Variants in GMDS observed in about 807,000 individuals in gnomAD.
The protein encoded by GMDS is GDP-mannose 4,6-dehydratase, also known as GDP-mannose 4,6 dehydratase.
Under a neutral mutation model 49.9 loss-of-function variants are expected in GMDS, and 20 were observed. That is an observed-to-expected ratio of 0.40 (90% confidence interval 0.28 to 0.58). The LOEUF (loss-of-function observed/expected upper bound fraction) is 0.58, where lower values mean the gene tolerates loss of function less well. Ranked by LOEUF, GMDS falls within the 20% of genes least tolerant of loss-of-function variation. GMDS has a pLI of 0.42. For synonymous variants in GMDS, 177 were observed against 178.6 expected, an observed-to-expected ratio of 0.99 and a Z score of 0.07; for missense variants, 362 against 481.4, an observed-to-expected ratio of 0.75 and a Z score of 2.32.
chr6:1,999,320 CAAA>C (rs61018439), intron 4 of GMDS, among the ~76,000 whole-genome samples: 24,819 of 85,588 alleles, frequency 0.29, 1,734 homozygotes, highest in Non-Finnish European at 0.3. Flanking sequence ...GACTCTGTCT[CAAA>C]AAAAAAAAAA....
At chr6:2,198,176 G>A (rs964045823) in intron 1 of GMDS, among the ~76,000 whole-genome samples, 1 of 152,194 alleles carries the variant, frequency 6.6e-6, no homozygotes, top group Non-Finnish European at 1.5e-5. Flanking sequence ...AAGTAACGAA[G>A]AATGCAGAAC....
At chr6:1,674,560 CTTTTTTTTTTTT>C (rs869292549) in intron 9 of GMDS, among the ~76,000 whole-genome samples, 4 of 73,436 alleles carry the variant, frequency 5.4e-5, no homozygotes, top group Admixed American at 1.9e-4. Flanking sequence ...CTCTCTCTCT[CTTTTTTTTTTTT>C]TTTTTTTTTT....
At chr6:2,186,649 T>C (rs1778792190) in intron 1 of GMDS, among the ~76,000 whole-genome samples, 1 of 152,310 alleles carries the variant, frequency 6.6e-6, no homozygotes, top group African/African-American at 2.4e-5. Flanking sequence ...TGTTTAGGTA[T>C]ATTTATTAAT....
chr6:1,889,884 ATCTTCTTTTACTT>A (rs1441063425), intron 7 of GMDS, among the ~76,000 whole-genome samples: 1 of 152,050 alleles, frequency 6.6e-6, no homozygotes, highest in Non-Finnish European at 1.5e-5. Flanking sequence ...TTTTGGGTCT[ATCTTCTTTTACTT>A]AGCATAATGT....
intron 9 of GMDS, among the ~76,000 whole-genome samples, chr6:1,689,587 G>A (rs1765101452): frequency 6.6e-6 from 1 of 152,168 alleles, no homozygotes; most frequent in African/African-American, 2.4e-5. Context: ...GCAACCCTAA[G>A]TAAACTTGAA....
chr6:1,902,717 C>T (rs1490735368), intron 7 of GMDS, among the ~76,000 whole-genome samples: 3 of 152,154 alleles, frequency 2.0e-5, no homozygotes, highest in Non-Finnish European at 4.4e-5. Flanking sequence ...CTAAAAATTC[C>T]TTACAAGTAA....
intron 9 of GMDS, among the ~76,000 whole-genome samples, chr6:1,682,474 A>G (rs771724399): frequency 6.6e-5 from 10 of 152,042 alleles, no homozygotes; most frequent in Non-Finnish European, 1.5e-4. Flanking sequence ...TGCCACTGGG[A>G]GGACCGGGGA....
chr6:2,220,859 T>G (rs1422270645), intron 1 of GMDS, among the ~76,000 whole-genome samples: 1 of 151,894 alleles, frequency 6.6e-6, no homozygotes, highest in Non-Finnish European at 1.5e-5. Flanking sequence ...TTGATAATGG[T>G]AATAAAGCTG....
chr6:1,961,010 A>G (rs1763911648), intron 4 of GMDS, 44 bp from the exon 5 acceptor site: 1 of 1,202,648 alleles, frequency 8.3e-7, no homozygotes, highest in Non-Finnish European at 1.2e-6. Flanking sequence ...ATAGCTTCAT[A>G]GCACAAAGGT....
intron 7 of GMDS, among the ~76,000 whole-genome samples, chr6:1,856,314 C>T (rs1188449175): frequency 6.6e-6 from 1 of 152,214 alleles, no homozygotes; most frequent in Non-Finnish European, 1.5e-5. Context: ...CAGAAATGTG[C>T]TCTAACCTAC....
intron 1 of GMDS, among the ~76,000 whole-genome samples, chr6:2,157,611 C>A (rs1259730387): frequency 6.6e-6 from 1 of 152,086 alleles, no homozygotes; most frequent in African/African-American, 2.4e-5. Flanking sequence ...ATTTTCACTA[C>A]CAAAACGAAA....
chr6:1,628,831 A>T (rs183185486), intron 9 of GMDS, among the ~76,000 whole-genome samples: 5 of 152,228 alleles, frequency 3.3e-5, no homozygotes, highest in Admixed American at 6.5e-5. Context: ...TAAGATACAG[A>T]GCTGTGAGGG....
intron 7 of GMDS, among the ~76,000 whole-genome samples, chr6:1,915,345 T>A (rs1203935304): frequency 6.6e-6 from 1 of 152,084 alleles, no homozygotes; most frequent in Non-Finnish European, 1.5e-5. Context: ...AATTCTTCAG[T>A]GAAGTGGCCA....
At chr6:1,686,099 A>C (rs189695719) in intron 9 of GMDS, among the ~76,000 whole-genome samples, 17 of 152,240 alleles carry the variant, frequency 1.1e-4, no homozygotes, top group Non-Finnish European at 4.4e-5. Context: ...GTGGCAGAAG[A>C]AGCGAAGTCT....
chr6:2,129,199 A>G (rs1477892550), intron 1 of GMDS, among the ~76,000 whole-genome samples: 3 of 152,174 alleles, frequency 2.0e-5, no homozygotes, highest in African/African-American at 7.2e-5. Flanking sequence ...AGAAACACAG[A>G]AAGTTTCTGT....
At chr6:1,724,334 C>CG (rs1766495395) in intron 9 of GMDS, among the ~76,000 whole-genome samples, 2 of 152,158 alleles carry the variant, frequency 1.3e-5, no homozygotes, top group Admixed American at 1.3e-4. Flanking sequence ...ACAAAAGAAA[C>CG]GGGAGGGATG....
At chr6:1,893,366 AT>A (rs1023828578) in intron 7 of GMDS, among the ~76,000 whole-genome samples, 9 of 151,508 alleles carry the variant, frequency 5.9e-5, no homozygotes, top group Non-Finnish European at 1.2e-4. Context: ...GCTAACTTGT[AT>A]TTTTAGTAGA....
At chr6:1,883,406 A>G (rs1204014966) in intron 7 of GMDS, among the ~76,000 whole-genome samples, 1 of 152,160 alleles carries the variant, frequency 6.6e-6, no homozygotes, top group Non-Finnish European at 1.5e-5. Flanking sequence ...AATAAAATAA[A>G]ATGATAATAA....
At chr6:2,022,816 A>G (rs1235740771) in intron 4 of GMDS, among the ~76,000 whole-genome samples, 1 of 152,186 alleles carries the variant, frequency 6.6e-6, no homozygotes, top group Non-Finnish European at 1.5e-5. Flanking sequence ...AAAGCACCTC[A>G]GCCAATAATA....
Sources: allele counts gnomAD v4.1 joint callset (sites outside exome capture counted in the v4.1 genomes callset), GRCh38; gene constraint gnomAD v4.1.1; transcripts MANE v1.5; gene names NCBI Gene and HGNC (gene_info 2026-07-23, HGNC 2026-07-21).